COL11A1: variants seen among roughly 807,000 people sequenced by gnomAD.
The protein encoded by COL11A1 is collagen alpha-1(XI) chain.
A neutral mutation model predicts 265.2 loss-of-function variants in COL11A1; 74 were observed. That is an observed-to-expected ratio of 0.28 (90% CI 0.23 to 0.34). The LOEUF is 0.34. Ranked by LOEUF, COL11A1 falls within the 10% of genes least tolerant of loss-of-function variation. The pLI is 1.00. For synonymous variants in COL11A1, 816 were observed against 727.6 expected (o/e 1.12, Z -1.96); for missense variants, 2,165 against 2,263.6 (o/e 0.96, Z 0.88).
At chr1:103,048,766 T>G (rs77569287) in intron 4 of COL11A1, among the ~76,000 whole-genome samples, 5,189 of 152,278 alleles carry the variant, frequency 0.034, 118 homozygotes, top group Middle Eastern at 0.092. Context: ...ACACACTGCT[T>G]TGAATATGTC....
At chr1:102,910,803 T>C (rs1231629306) in intron 54 of COL11A1, among the ~76,000 whole-genome samples, 1 of 152,094 alleles carries the variant, frequency 6.6e-6, no homozygotes, top group Non-Finnish European at 1.5e-5. Flanking sequence ...TGTAGCTGGG[T>C]TGAAAGCCAG....
intron 4 of COL11A1, among the ~76,000 whole-genome samples, chr1:103,063,358 A>G (rs1404642241): frequency 1.3e-5 from 2 of 152,148 alleles, no homozygotes; most frequent in Non-Finnish European, 2.9e-5. Context: ...GTATTGGTGG[A>G]AGAACTGATA....
chr1:103,090,773 T>C (rs1482788625), intron 1 of COL11A1, among the ~76,000 whole-genome samples: 2 of 152,180 alleles, frequency 1.3e-5, no homozygotes, highest in African/African-American at 4.8e-5. Context: ...ACATCTTTAA[T>C]ACCATCCACA....
intron 4 of COL11A1, among the ~76,000 whole-genome samples, chr1:103,052,277 T>C (rs1372274290): frequency 1.3e-5 from 2 of 152,216 alleles, no homozygotes; most frequent in East Asian, 1.9e-4. Flanking sequence ...AAAACCTTAA[T>C]GTTTAATTCC....
Position 102,987,536 on chromosome 1 carries a change from A to C in COL11A1, c.2502+97T>G, listed in dbSNP as rs984881217. On this transcript the variant is annotated intron_variant, in intron 30 of 66. Transcript: ENST00000370096. ...TGAAACATTTTATCTTTAATGTAGT[A>C]AGAACTCAATTTCTGACACCAGTTA... is the stretch of plus-strand genomic sequence containing the variant. 7.7e-6 allele frequency: 7 copies of C among 904,370 alleles called. No individual in the cohort carries two copies. In the African/African-American group the frequency reaches 1.1e-4, roughly 15 times the overall value. 56.0% of individuals were successfully genotyped at this position (904,370 alleles called of 1,614,324 possible). A position where few individuals can be genotyped will look rare whatever the true frequency, so the allele number is the denominator to read the frequency against.
At chr1:102,913,735 A>G (rs1333966547) in intron 52 of COL11A1, 45 bp from the exon 53 acceptor site, 5 of 1,536,140 alleles carry the variant, frequency 3.3e-6, no homozygotes, top group Non-Finnish European at 4.5e-6. Context: ...TCTCAGTATC[A>G]ATAAATCACA....
At chr1:103,092,167 A>C (rs1443628336) in intron 1 of COL11A1, among the ~76,000 whole-genome samples, 2 of 152,098 alleles carry the variant, frequency 1.3e-5, no homozygotes, top group African/African-American at 4.8e-5. Context: ...ATTCTAACCT[A>C]TTTAGGGATT....
At chr1:102,995,759 A>G (rs915204622) in intron 28 of COL11A1, 105 bp downstream of exon 28, 5 of 909,670 alleles carry the variant, frequency 5.5e-6, no homozygotes, top group African/African-American at 1.7e-5. Flanking sequence ...ATTGCGTAGT[A>G]TGTAGTAATC....
At position 102,878,114 on chromosome 1, in the gene COL11A1, C is replaced by G; in HGVS notation, c.5326G>C (p.Asp1776His). Residue 1776 changes from aspartate to histidine, a missense_variant, in exon 67 of 67, where the codon GAT becomes CAT. Coordinates refer to ENST00000370096, the MANE Select transcript of COL11A1 (RefSeq NM_001854.4). ...TVIEINTPKIDQVPIVDVMIN... is the reference protein window; with the variant it reads ...TVIEINTPKIHQVPIVDVMIN... ...ATGACATCAACAATAGGTACTTGATCAATTTTTGGTGTATTGATTTCAATG... is the reference window on the plus strand; with the variant it reads ...ATGACATCAACAATAGGTACTTGATGAATTTTTGGTGTATTGATTTCAATG... 6.2e-7 allele frequency: 1 copy of G among 1,613,256 alleles called. No individual in the cohort carries two copies. Among genetic ancestry groups the G allele is most frequent in the Non-Finnish European group, 8.5e-7 (1 of 1,179,504 alleles).
chr1:102,930,115 C>A (rs1263892468), intron 46 of COL11A1, among the ~76,000 whole-genome samples: 2 of 152,172 alleles, frequency 1.3e-5, no homozygotes, highest in Admixed American at 1.3e-4. Flanking sequence ...CTGGCCAGAA[C>A]TTTCAACACT....
intron 37 of COL11A1, among the ~76,000 whole-genome samples, chr1:102,968,721 A>AT (rs1661672274): frequency 1.3e-5 from 2 of 152,204 alleles, no homozygotes; most frequent in Non-Finnish European, 2.9e-5. Context: ...AATCGGGAAT[A>AT]TAATTTTTTC....
At chr1:102,974,011 G>C (rs1662223805) in intron 36 of COL11A1, among the ~76,000 whole-genome samples, 1 of 152,114 alleles carries the variant, frequency 6.6e-6, no homozygotes, top group African/African-American at 2.4e-5. Context: ...TTAAAATATA[G>C]ACTTGGCCCC....
At chr1:102,882,308 AG>A (rs1650357118) in intron 64 of COL11A1, among the ~76,000 whole-genome samples, 1 of 152,184 alleles carries the variant, frequency 6.6e-6, no homozygotes, top group Non-Finnish European at 1.5e-5. Flanking sequence ...AGAACAGCAA[AG>A]GGTATATAAG....
In COL11A1 at chr1:102,914,777, G is replaced by A. The variant is rs1217545710; in HGVS notation, c.3851C>T (p.Ala1284Val). 4 of 1,611,902 alleles carry A rather than the reference G, an allele frequency of 2.5e-6. No individual in the cohort carries two copies. In the South Asian group the frequency reaches 4.4e-5, roughly 18 times the overall value. Residue 1284 changes from alanine to valine, a missense_variant, in exon 51 of 67, where the codon GCT becomes GTT. Coordinates refer to ENST00000370096, the MANE Select transcript of COL11A1 (RefSeq NM_001854.4). ...PKGERGEKGE[A>V]GPPGAAGPPG... is the part of the protein sequence containing the mutation. ...AGGTCCAGCAGCTCCAGGTGGACCA[G>A]CTTCCCCTTTCTCTCCTCTTTCTCC...
chr1:102,881,819 C>T lies in COL11A1; in HGVS notation c.4972-54G>A, dbSNP rs551787391. 369 of 1,305,260 alleles carry T rather than the reference C, an allele frequency of 2.8e-4. 2 individuals carry two copies. The South Asian group carries it at 3.8e-3, about 13-fold the overall frequency. The allele number at this position is 1,305,260 out of a possible 1,614,324, so 80.9% of individuals were successfully genotyped here. A position where few individuals can be genotyped will look rare whatever the true frequency, so the allele number is the denominator to read the frequency against. Reference sequence around the variant, plus strand: ...AGTAGGTGAAAATTTACAATATAAACAGTATTTTTATATACATATAATTCA... The same window carrying T: ...AGTAGGTGAAAATTTACAATATAAATAGTATTTTTATATACATATAATTCA... On this transcript the variant is annotated intron_variant, in intron 64 of 66. Coordinates refer to ENST00000370096, the MANE Select transcript of COL11A1 (RefSeq NM_001854.4).
At chr1:102,915,512 T>C in intron 50 of COL11A1, 119 bp downstream of exon 50, 1 of 840,366 alleles carries the variant, frequency 1.2e-6, no homozygotes, top group Non-Finnish European at 2.1e-6. Flanking sequence ...TTTTCCTTAA[T>C]GAGTTGGGAA....
intron 10 of COL11A1, 28 bp from the exon 11 acceptor site, chr1:103,017,910 C>A: frequency 6.6e-7 from 1 of 1,522,704 alleles, no homozygotes; most frequent in Non-Finnish European, 9.1e-7. Context: ...ATATCTTAAT[C>A]AGATTCCTAA....
intron 57 of COL11A1, among the ~76,000 whole-genome samples, chr1:102,893,688 A>C (rs927195240): frequency 3.3e-5 from 5 of 152,172 alleles, no homozygotes; most frequent in African/African-American, 1.2e-4. Context: ...ACTTTCTGGA[A>C]TATTTGCTTT....
intron 35 of COL11A1, among the ~76,000 whole-genome samples, chr1:102,976,958 A>C (rs1570923338): frequency 6.6e-6 from 1 of 152,150 alleles, no homozygotes; most frequent in African/African-American, 2.4e-5. Context: ...GAGGGATTAC[A>C]TTTAATTTGT....
Sources: gnomAD v4.1 joint callset for allele counts (sites outside exome capture counted in the v4.1 genomes callset) on GRCh38, gnomAD v4.1.1 for gene constraint, MANE v1.5 for transcripts, NCBI Gene and HGNC (gene_info 2026-07-23, HGNC 2026-07-21) for gene names.